ZNF277: variants seen among roughly 807,000 people sequenced by gnomAD.
The protein encoded by ZNF277 is nuclear receptor-interacting factor 4.
Under a neutral mutation model 60.7 loss-of-function variants are expected in ZNF277, and 55 were observed. That is an observed-to-expected ratio of 0.91 (90% CI 0.73 to 1.13). The LOEUF is 1.13. Ranked by LOEUF, ZNF277 falls within the 50% of genes most tolerant of loss-of-function variation. The pLI is 0.00. For missense variants in ZNF277, 510 were observed against 523.0 expected, an observed-to-expected ratio of 0.98 and a Z score of 0.24; for synonymous variants, 178 against 179.3, an observed-to-expected ratio of 0.99 and a Z score of 0.06.
intron 4 of ZNF277, among the ~76,000 whole-genome samples, chr7:112,308,065 G>A (rs1792640756): frequency 6.6e-6 from 1 of 151,688 alleles, no homozygotes; most frequent in Admixed American, 6.6e-5. Flanking sequence ...GCTATATTTG[G>A]TTATCTTCAT....
intron 4 of ZNF277, among the ~76,000 whole-genome samples, chr7:112,307,858 A>C (rs1420288675): frequency 6.6e-6 from 1 of 151,920 alleles, no homozygotes; most frequent in East Asian, 1.9e-4. Flanking sequence ...CTAAAAGATA[A>C]ATACATACAT....
chr7:112,331,329 G>A (rs1370335905), intron 7 of ZNF277, among the ~76,000 whole-genome samples: 4 of 152,126 alleles, frequency 2.6e-5, no homozygotes, highest in Non-Finnish European at 5.9e-5. Flanking sequence ...TCATATAAAA[G>A]AAGAGGTTAT....
chr7:112,318,220 T>TA lies in ZNF277; in HGVS notation c.505dup (p.Thr169AsnfsTer12), dbSNP rs527469015. The TA allele has an allele frequency of 8.2e-4, 1,321 of 1,613,534 alleles. 22 individuals carry two copies. The Admixed American group carries it at 0.021, about 26-fold the overall frequency. ...AACAACAGCAGCAAGAACGAAATGATACCAATTTTCATGGCGTTTGTATGT... is the reference window on the plus strand; with the variant it reads ...AACAACAGCAGCAAGAACGAAATGATAACCAATTTTCATGGCGTTTGTATGT... On this transcript the variant is annotated frameshift_variant, in exon 5 of 12. Coordinates refer to ENST00000361822, the MANE Select transcript of ZNF277 (RefSeq NM_021994.3). LOFTEE classifies it high-confidence loss of function.
intron 1 of ZNF277, among the ~76,000 whole-genome samples, chr7:112,214,797 A>G: frequency 6.6e-6 from 1 of 152,326 alleles, no homozygotes; most frequent in South Asian, 2.1e-4. Flanking sequence ...CATGAGTAGC[A>G]TATTTAAAAT....
At chr7:112,275,928 A>G (rs1791782450) in intron 1 of ZNF277, among the ~76,000 whole-genome samples, 4 of 152,198 alleles carry the variant, frequency 2.6e-5, no homozygotes, top group Admixed American at 1.3e-4. Flanking sequence ...GAAATGCCAC[A>G]CGGAAATGGG....
chr7:112,304,999 A>G (rs1193096494), intron 4 of ZNF277, among the ~76,000 whole-genome samples: 1 of 152,128 alleles, frequency 6.6e-6, no homozygotes, highest in Non-Finnish European at 1.5e-5. Context: ...ACTGTACTCC[A>G]GCTACACTGG....
At chr7:112,268,564 T>A (rs1427752804) in intron 1 of ZNF277, among the ~76,000 whole-genome samples, 1 of 152,064 alleles carries the variant, frequency 6.6e-6, no homozygotes, top group Non-Finnish European at 1.5e-5. Context: ...ACTAGAAATT[T>A]GGAGTGATTT....
chr7:112,276,212 G>T (rs1791790242), intron 1 of ZNF277, among the ~76,000 whole-genome samples: 1 of 152,210 alleles, frequency 6.6e-6, no homozygotes, highest in African/African-American at 2.4e-5. Flanking sequence ...CTGATGGATG[G>T]ATGGATAGTA....
chr7:112,330,261 A>C (rs73717530), intron 7 of ZNF277, 45 bp downstream of exon 7: 17,629 of 1,594,360 alleles, frequency 0.011, 193 homozygotes, highest in Middle Eastern at 0.033. Context: ...GCAGTACTGC[A>C]AACAAAATCT....
rs1563236189 is a variant in ZNF277 at position 112,342,616 on chromosome 7, GA to G, written c.1243del (p.Ser415ValfsTer3). ...DTLLCTLSDS[E>X]SDLTAQEQNE... ...TCTCCTGTGTACACTATCTGACAGT[GA>G]AAGTGACCTGACAGCTCAGGAACAA... On this transcript the variant is annotated frameshift_variant, in exon 12 of 12. Coordinates refer to ENST00000361822, the MANE Select transcript of ZNF277 (RefSeq NM_021994.3). LOFTEE classifies it high-confidence loss of function. 1 of 1,613,252 alleles carries G rather than the reference GA, an allele frequency of 6.2e-7. No homozygotes were observed. Among genetic ancestry groups the G allele is most frequent in the Admixed American group, 1.7e-5 (1 of 59,986 alleles).
intron 1 of ZNF277, among the ~76,000 whole-genome samples, chr7:112,210,088 T>C (rs1202597337): frequency 1.3e-5 from 2 of 152,188 alleles, no homozygotes; most frequent in Non-Finnish European, 2.9e-5. Flanking sequence ...ATGGCACATG[T>C]ATACATATGC....
intron 4 of ZNF277, among the ~76,000 whole-genome samples, chr7:112,312,663 G>C (rs185814369): frequency 3.9e-5 from 6 of 152,220 alleles, no homozygotes; most frequent in Non-Finnish European, 7.4e-5. Flanking sequence ...TGTAAATATT[G>C]AGTATAGGAA....
chr7:112,230,409 A>G (rs1056277776), intron 1 of ZNF277, among the ~76,000 whole-genome samples: 1 of 152,228 alleles, frequency 6.6e-6, no homozygotes, highest in African/African-American at 2.4e-5. Flanking sequence ...TTTATGTTAA[A>G]GGAAAAAGCC....
intron 11 of ZNF277, among the ~76,000 whole-genome samples, chr7:112,342,213 A>G (rs938500909): frequency 6.6e-6 from 1 of 152,158 alleles, no homozygotes; most frequent in Admixed American, 6.5e-5. Context: ...AACTAGATCT[A>G]CCCACTACTG....
intron 1 of ZNF277, among the ~76,000 whole-genome samples, chr7:112,240,792 G>A (rs1194780841): frequency 6.6e-6 from 1 of 152,092 alleles, no homozygotes; most frequent in Non-Finnish European, 1.5e-5. Context: ...CTGGGAAAAC[G>A]ATATCCATAT....
intron 1 of ZNF277, among the ~76,000 whole-genome samples, chr7:112,259,795 C>T (rs1791401618): frequency 6.6e-6 from 1 of 152,128 alleles, no homozygotes; most frequent in East Asian, 1.9e-4. Context: ...GACTTTCAGC[C>T]TCTAGCATGC....
intron 1 of ZNF277, among the ~76,000 whole-genome samples, chr7:112,207,640 C>G (rs1821582526): frequency 6.6e-6 from 1 of 152,002 alleles, no homozygotes; most frequent in Non-Finnish European, 1.5e-5. Context: ...GTCTATCCCT[C>G]CCCCATTCCC....
At chr7:112,225,614 A>G (rs1431221025) in intron 1 of ZNF277, among the ~76,000 whole-genome samples, 2 of 152,186 alleles carry the variant, frequency 1.3e-5, no homozygotes, top group Admixed American at 1.3e-4. Flanking sequence ...CTTTGTGTGA[A>G]TCCCAGAGTA....
intron 4 of ZNF277, among the ~76,000 whole-genome samples, chr7:112,299,243 A>T (rs1225010681): frequency 6.6e-6 from 1 of 152,206 alleles, no homozygotes; most frequent in East Asian, 1.9e-4. Context: ...TATCTCCTTT[A>T]TAAAGAAAGA....
Sources: allele counts gnomAD v4.1 joint callset (sites outside exome capture counted in the v4.1 genomes callset), GRCh38; gene constraint gnomAD v4.1.1; transcripts MANE v1.5; gene names NCBI Gene and HGNC (gene_info 2026-07-23, HGNC 2026-07-21).